Variants in LY6S observed in about 807,000 individuals in gnomAD.
LY6S encodes lymphocyte antigen 6 family member S.
chr8:143,063,532 C>G, the LY6S span, among the ~76,000 whole-genome samples: 1 of 152,158 alleles, frequency 6.6e-6, no homozygotes, highest in Non-Finnish European at 1.5e-5. Flanking sequence ...AAACAGTTAC[C>G]AAGGCATATG....
the LY6S span, chr8:143,042,565 G>A: frequency 1.3e-4 from 23 of 172,470 alleles, no homozygotes; most frequent in East Asian, 3.7e-3. Flanking sequence ...AGTGGCAGGT[G>A]GGCGGCCTCA....
chr8:143,051,795 A>C, the LY6S span, among the ~76,000 whole-genome samples: 2 of 151,570 alleles, frequency 1.3e-5, no homozygotes, highest in African/African-American at 4.9e-5. Context: ...TACATGGAGA[A>C]ACCCCGTCTC....
the LY6S span, chr8:143,043,411 C>T: frequency 3.5e-5 from 14 of 397,606 alleles, no homozygotes; most frequent in Non-Finnish European, 5.1e-5. Flanking sequence ...AGGGAGGCTC[C>T]GCACCCCAAC....
the LY6S span, chr8:143,057,719 A>G: frequency 7.5e-6 from 6 of 796,066 alleles, no homozygotes; most frequent in Non-Finnish European, 1.1e-5. Flanking sequence ...AATGACCTCA[A>G]AGGGCACATT....
the LY6S span, among the ~76,000 whole-genome samples, chr8:143,063,020 T>A: frequency 6.6e-6 from 1 of 152,180 alleles, no homozygotes; most frequent in Non-Finnish European, 1.5e-5. Flanking sequence ...GCCTGTCCCC[T>A]CCATTTTTTA....
At chr8:143,076,402 AC>A in the LY6S span, among the ~76,000 whole-genome samples, 1 of 152,176 alleles carries the variant, frequency 6.6e-6, no homozygotes, top group Non-Finnish European at 1.5e-5. Context: ...GGACGCCCAG[AC>A]ACCTATCCCC....
the LY6S span, chr8:143,057,954 G>C: frequency 1.8e-6 from 1 of 549,204 alleles, no homozygotes; most frequent in African/African-American, 1.9e-5. Flanking sequence ...GTCTCTGTCT[G>C]ACCCTCCCTC....
chr8:143,050,022 G>C, the LY6S span, among the ~76,000 whole-genome samples: 1 of 151,854 alleles, frequency 6.6e-6, no homozygotes, highest in African/African-American at 2.4e-5. Flanking sequence ...ACCTCGTCCA[G>C]TTGTGGGAGA....
the LY6S span, among the ~76,000 whole-genome samples, chr8:143,068,938 C>T: frequency 6.6e-6 from 1 of 152,140 alleles, no homozygotes; most frequent in Non-Finnish European, 1.5e-5. Context: ...CTCCCCGCAC[C>T]GCCCCAGGGG....
At chr8:143,072,414 G>A in the LY6S span, among the ~76,000 whole-genome samples, 3 of 110,838 alleles carry the variant, frequency 2.7e-5, no homozygotes, top group African/African-American at 4.5e-5. Flanking sequence ...CGTCGTCCTC[G>A]TGGTCCCTGT....
the LY6S span, chr8:143,057,940 C>CG: frequency 1.8e-6 from 1 of 557,266 alleles, no homozygotes; most frequent in Non-Finnish European, 3.2e-6. Context: ...GTGGTCTCAG[C>CG]GTCGTCTCTG....
chr8:143,070,483 ATATATAT>A, the LY6S span, among the ~76,000 whole-genome samples: 10 of 85,962 alleles, frequency 1.2e-4, no homozygotes, highest in South Asian at 1.7e-3. Flanking sequence ...ATAAATATAT[ATATATAT>A]TTTTTTTTTT....
the LY6S span, among the ~76,000 whole-genome samples, chr8:143,070,485 A>ATTTTTTTTTTTTTTTTTTTTTT: frequency 1.2e-5 from 1 of 84,880 alleles, no homozygotes; most frequent in African/African-American, 7.5e-5. Flanking sequence ...AAATATATAT[A>ATTTTTTTTTTTTTTTTTTTTTT]TATATTTTTT....
chr8:143,073,891 G>A, the LY6S span, among the ~76,000 whole-genome samples: 1 of 144,976 alleles, frequency 6.9e-6, no homozygotes, highest in Non-Finnish European at 1.5e-5. Context: ...TCCTGTTTGA[G>A]GAGACAGCCA....
At chr8:143,059,471 G>A in the LY6S span, among the ~76,000 whole-genome samples, 1 of 151,856 alleles carries the variant, frequency 6.6e-6, no homozygotes, top group African/African-American at 2.4e-5. Context: ...ATCCCAAATG[G>A]GAGTATGGAA....
the LY6S span, among the ~76,000 whole-genome samples, chr8:143,040,989 T>C: frequency 6.6e-6 from 1 of 152,248 alleles, no homozygotes; most frequent in Admixed American, 6.5e-5. Context: ...GATCACATGC[T>C]TCACAAGGTA....
the LY6S span, among the ~76,000 whole-genome samples, chr8:143,052,689 A>G: frequency 3.9e-5 from 6 of 152,106 alleles, no homozygotes; most frequent in African/African-American, 1.4e-4. Flanking sequence ...AGCTTTGGGA[A>G]TTAAGTATCG....
chr8:143,063,492 T>C, the LY6S span, among the ~76,000 whole-genome samples: 1 of 152,204 alleles, frequency 6.6e-6, no homozygotes, highest in Non-Finnish European at 1.5e-5. Context: ...GAGGTTCCTA[T>C]TGGTAAAGTC....
At chr8:143,074,854 C>A in the LY6S span, among the ~76,000 whole-genome samples, 1 of 152,254 alleles carries the variant, frequency 6.6e-6, no homozygotes, top group African/African-American at 2.4e-5. Flanking sequence ...CTGCCGATGA[C>A]TAACCCGCCC....
Sources: gnomAD v4.1 joint callset for allele counts (sites outside exome capture counted in the v4.1 genomes callset) on GRCh38, gnomAD v4.1.1 for gene constraint, MANE v1.5 for transcripts, NCBI Gene and HGNC (gene_info 2026-07-23, HGNC 2026-07-21) for gene names.